Variants in DTD1 observed in about 807,000 individuals in gnomAD.
DTD1 encodes D-tyrosyl-tRNA deacylase 1 homolog.
A neutral mutation model predicts 25.6 loss-of-function variants in DTD1; 13 were observed. That is an observed-to-expected ratio of 0.51 (90% CI 0.33 to 0.81). The LOEUF (loss-of-function observed/expected upper bound fraction) is 0.81. DTD1 is among the 30% of genes least tolerant of loss of function. DTD1 has a pLI of 0.02. For synonymous variants in DTD1, 110 were observed against 103.6 expected (o/e 1.06, Z -0.37); for missense variants, 193 against 266.4 (o/e 0.72, Z 1.92).
chr20:18,621,925 A>G (rs1350839063), intron 3 of DTD1, among the ~76,000 whole-genome samples: 11 of 151,946 alleles, frequency 7.2e-5, no homozygotes, highest in Admixed American at 2.0e-4. Flanking sequence ...TTAGCCGGGC[A>G]TGGTGGTGGG....
intron 4 of DTD1, among the ~76,000 whole-genome samples, chr20:18,701,543 G>T (rs2122459632): frequency 6.6e-6 from 1 of 152,342 alleles, no homozygotes; most frequent in Admixed American, 6.5e-5. Flanking sequence ...CAGAATGCGG[G>T]TGGTGTGGAG....
intron 4 of DTD1, among the ~76,000 whole-genome samples, chr20:18,715,865 G>A (rs1344406170): frequency 1.3e-5 from 2 of 152,116 alleles, no homozygotes; most frequent in Non-Finnish European, 2.9e-5. Context: ...GGGAGGAGTC[G>A]GGTGCTGAGT....
chr20:18,759,770 G>C (rs2061353964), intron 5 of DTD1, among the ~76,000 whole-genome samples: 1 of 152,172 alleles, frequency 6.6e-6, no homozygotes, highest in African/African-American at 2.4e-5. Flanking sequence ...TCCTGAATGT[G>C]AATGTTGGCC....
intron 3 of DTD1, among the ~76,000 whole-genome samples, chr20:18,610,533 A>G (rs2060682531): frequency 6.6e-6 from 1 of 152,260 alleles, no homozygotes; most frequent in African/African-American, 2.4e-5. Flanking sequence ...GACATAAATT[A>G]TACACAGTTT....
At chr20:18,732,498 G>A (rs768876867) in intron 4 of DTD1, among the ~76,000 whole-genome samples, 3 of 152,164 alleles carry the variant, frequency 2.0e-5, no homozygotes, top group Non-Finnish European at 4.4e-5. Context: ...GTACATGGGG[G>A]GCATGGCCAG....
At chr20:18,748,262 C>A (rs2061308544) in intron 5 of DTD1, among the ~76,000 whole-genome samples, 1 of 152,074 alleles carries the variant, frequency 6.6e-6, no homozygotes, top group African/African-American at 2.4e-5. Context: ...AATTCAAATA[C>A]CACCTAGCTG....
At chr20:18,655,565 CCATCACAGAAAGTG>C (rs1209980304) in intron 4 of DTD1, among the ~76,000 whole-genome samples, 4 of 152,140 alleles carry the variant, frequency 2.6e-5, no homozygotes, top group Non-Finnish European at 4.4e-5. Context: ...CAATTATCAG[CCATCACAGAAAGTG>C]CATGGGCGTC....
chr20:18,660,929 A>G (rs1237277755), intron 4 of DTD1, among the ~76,000 whole-genome samples: 1 of 152,186 alleles, frequency 6.6e-6, no homozygotes, highest in Non-Finnish European at 1.5e-5. Flanking sequence ...TAATATCCCA[A>G]CCAGGATATT....
Position 18,588,064 on chromosome 20 carries a change from GC to G in DTD1, c.-7del, listed in dbSNP as rs2060572896. ...GCGCGGCGCCGCCCCACTCGCCCCA[GC>G]CGCCGCCATGAAGGCCGTGGTGCAG... On this transcript the variant is annotated 5_prime_UTR_variant, in exon 1 of 6. Coordinates refer to ENST00000377452, the MANE Select transcript of DTD1 (RefSeq NM_080820.6). 1 of 1,400,432 alleles carries G rather than the reference GC, an allele frequency of 7.1e-7. No individual in the cohort carries two copies. The highest frequency in any genetic ancestry group is 9.2e-7 in the Non-Finnish European group (1 of 1,083,346). 86.8% of individuals were successfully genotyped at this position (1,400,432 alleles called of 1,614,324 possible). A position where few individuals can be genotyped will look rare whatever the true frequency, so the allele number is the denominator to read the frequency against.
rs921651887 is a variant in DTD1 at position 18,631,525 on chromosome 20, A to G, written c.477+3292A>G. 7.1e-6 allele frequency: 7 copies of G among 985,374 alleles called. No individual in the cohort carries two copies. The African/African-American group carries it at 1.0e-4, about 15-fold the overall frequency. The allele number at this position is 985,374 out of a possible 1,614,324, so 61.0% of individuals were successfully genotyped here. On this transcript the variant is annotated intron_variant, in intron 4 of 5. Coordinates refer to ENST00000377452, the MANE Select transcript of DTD1 (RefSeq NM_080820.6). The stretch of plus-strand genomic sequence containing the variant: ...ATGCCCAAATGTCTCCAATTGAGAA[A>G]TGCTTCCATTTCCTCCCTTCTGCTC...
chr20:18,634,423 G>T (rs1429342544), intron 4 of DTD1, among the ~76,000 whole-genome samples: 1 of 152,174 alleles, frequency 6.6e-6, no homozygotes, highest in African/African-American at 2.4e-5. Flanking sequence ...TGCCATCGAA[G>T]CCCTCATTAA....
chr20:18,695,531 C>CTTGCT (rs2061071353), intron 4 of DTD1, among the ~76,000 whole-genome samples: 1 of 26,878 alleles, frequency 3.7e-5, no homozygotes, highest in African/African-American at 1.6e-4. Context: ...TTTCCCTTCC[C>CTTGCT]TTCCTTTCCC....
intron 4 of DTD1, among the ~76,000 whole-genome samples, chr20:18,707,605 T>A (rs1248608236): frequency 6.6e-6 from 1 of 152,190 alleles, no homozygotes; most frequent in Admixed American, 6.5e-5. Flanking sequence ...GGTGAACTGG[T>A]GGCTGTCTGT....
chr20:18,695,543 TCCCTTCCCTTCCC>T (rs1568671980), intron 4 of DTD1, among the ~76,000 whole-genome samples: 1 of 26,462 alleles, frequency 3.8e-5, no homozygotes, highest in Non-Finnish European at 7.7e-5. Flanking sequence ...TCCTTTCCCT[TCCCTTCCCTTCCC>T]TTCTCTTCCC....
rs1049306525 is a variant in DTD1 at position 18,765,821 on chromosome 20, A to G, written c.*2481A>G. 2.6e-5 allele frequency: 4 copies of G among 152,192 alleles called. No individual in the cohort carries two copies. Among genetic ancestry groups the G allele is most frequent in the African/African-American group, 7.2e-5 (3 of 41,434 alleles). The allele number at this position is 152,192 out of a possible 1,614,324, so 9.4% of individuals were successfully genotyped here. A position where few individuals can be genotyped will look rare whatever the true frequency, so the allele number is the denominator to read the frequency against. ...TGCCTCCTTCTTTCTGCTTATTTAT[A>G]AAGCATACTGCTTATTGTCCATTAA... On this transcript the variant is annotated 3_prime_UTR_variant, in exon 6 of 6. Transcript: ENST00000377452.
intron 4 of DTD1, among the ~76,000 whole-genome samples, chr20:18,639,442 A>G (rs1415496398): frequency 6.6e-6 from 1 of 152,190 alleles, no homozygotes; most frequent in Admixed American, 6.5e-5. Context: ...TTGGAAAAGT[A>G]TGTTTCCTGG....
chr20:18,746,407 GAT>G (rs773560402), intron 5 of DTD1, among the ~76,000 whole-genome samples: 1 of 152,134 alleles, frequency 6.6e-6, no homozygotes, highest in African/African-American at 2.4e-5. Flanking sequence ...CAGGAAGTGA[GAT>G]ATATTAGGCC....
intron 1 of DTD1, among the ~76,000 whole-genome samples, chr20:18,592,836 C>T (rs899018011): frequency 6.6e-6 from 1 of 152,050 alleles, no homozygotes; most frequent in African/African-American, 2.4e-5. Flanking sequence ...GCGCCCGCCA[C>T]CATGCCCGGC....
At chr20:18,704,833 G>T (rs2061119933) in intron 4 of DTD1, among the ~76,000 whole-genome samples, 1 of 152,112 alleles carries the variant, frequency 6.6e-6, no homozygotes, top group Non-Finnish European at 1.5e-5. Flanking sequence ...TCAAGGAGAG[G>T]GTGGGGCAGG....
Sources: gnomAD v4.1 joint callset for allele counts (sites outside exome capture counted in the v4.1 genomes callset) on GRCh38, gnomAD v4.1.1 for gene constraint, MANE v1.5 for transcripts, NCBI Gene and HGNC (gene_info 2026-07-23, HGNC 2026-07-21) for gene names.